Variants in PRR11 observed in about 807,000 individuals in gnomAD.
PRR11 encodes proline-rich protein 11.
In PRR11, 30 loss-of-function variants were observed where a neutral mutation model predicts 45.6. The observed-to-expected ratio is 0.66, with a 90% CI of 0.49 to 0.89. The LOEUF (loss-of-function observed/expected upper bound fraction) is 0.89, where lower values mean the gene tolerates loss of function less well. Among genes scored for constraint, PRR11 ranks in the 40% least tolerant of loss-of-function variants. The pLI is 0.00. For missense variants in PRR11, 373 were observed against 424.8 expected (o/e 0.88, Z 1.07); for synonymous variants, 128 against 153.5 (o/e 0.83, Z 1.23).
chr17:59,157,483 C>T (rs2046631672), intron 1 of PRR11, among the ~76,000 whole-genome samples: 1 of 152,174 alleles, frequency 6.6e-6, no homozygotes, highest in South Asian at 2.1e-4. Context: ...GGGCGGATCA[C>T]TTGAGGTAAG....
intron 7 of PRR11, among the ~76,000 whole-genome samples, chr17:59,197,110 G>C (rs1303211025): frequency 6.6e-6 from 1 of 152,064 alleles, no homozygotes; most frequent in Non-Finnish European, 1.5e-5. Flanking sequence ...GCCTCCTAAA[G>C]TGCTGGGATC....
intron 2 of PRR11, among the ~76,000 whole-genome samples, chr17:59,176,754 T>C (rs1400350844): frequency 1.5e-5 from 2 of 134,742 alleles, no homozygotes; most frequent in Admixed American, 8.5e-5. Context: ...TGGAATGCAG[T>C]GGCTCAAACT....
intron 3 of PRR11, 85 bp from the exon 4 acceptor site, chr17:59,185,355 A>G (rs1479987948): frequency 6.5e-7 from 1 of 1,536,058 alleles, no homozygotes; most frequent in African/African-American, 1.4e-5. Context: ...CTATAAAAAC[A>G]TACATCAAGT....
rs111532176 is a variant in PRR11, at chr17:59,194,481, A to G, written c.646-276A>G. Among the ~76,000 whole-genome samples the G allele has an allele frequency of 3.7e-3, 557 of 152,234 alleles. 8 individuals carry two copies. The highest frequency in any genetic ancestry group is 0.013 in the African/African-American group (520 of 41,548). On this transcript the variant is annotated intron_variant, in intron 5 of 9. Transcript: ENST00000262293. ...TATAATGACTCCCGGGGAAGATGCAATATTGCAGGAAACTAGTCCATCTCT... is the reference window on the plus strand; with the variant it reads ...TATAATGACTCCCGGGGAAGATGCAGTATTGCAGGAAACTAGTCCATCTCT...
rs561939177 is a variant in PRR11 at position 59,174,877 on chromosome 17, A to G, written c.128+4997A>G. On this transcript the variant is annotated intron_variant, in intron 2 of 9. Coordinates refer to ENST00000262293, the MANE Select transcript of PRR11 (RefSeq NM_018304.4). ...CCCCTTAAGAAGATGGGGACTCCCC[A>G]GGATACCCCTCCCTCCCCTTGTCCA... 4.2e-6 allele frequency: 5 copies of G among 1,200,766 alleles called. No homozygotes were observed. In the East Asian group the frequency reaches 1.5e-4, roughly 35 times the overall value. The allele number at this position is 1,200,766 out of a possible 1,614,324, so 74.4% of individuals were successfully genotyped here.
chr17:59,157,800 G>T (rs139420364), intron 1 of PRR11, among the ~76,000 whole-genome samples: 1 of 152,176 alleles, frequency 6.6e-6, no homozygotes, highest in East Asian at 1.9e-4. Context: ...TGGATTATAA[G>T]CACTCAACTA....
rs1317021234 is a variant in PRR11, at chr17:59,206,278, A to G, written c.*4647A>G. On this transcript the variant is annotated 3_prime_UTR_variant, in exon 10 of 10. Coordinates refer to ENST00000262293, the MANE Select transcript of PRR11 (RefSeq NM_018304.4). ...CTACTCAGGAGACTGAGGTGGAAGAATCACTTGAGCCCGGGAGGTTGAGGC... is the reference window on the plus strand; with the variant it reads ...CTACTCAGGAGACTGAGGTGGAAGAGTCACTTGAGCCCGGGAGGTTGAGGC... Among the ~76,000 whole-genome samples, 1 of 152,140 alleles carries G rather than the reference A, an allele frequency of 6.6e-6. No homozygotes were observed. The highest frequency in any genetic ancestry group is 1.5e-5 in the Non-Finnish European group (1 of 68,022).
At chr17:59,161,566 T>G (rs987451360) in intron 1 of PRR11, among the ~76,000 whole-genome samples, 1 of 151,688 alleles carries the variant, frequency 6.6e-6, no homozygotes, top group Non-Finnish European at 1.5e-5. Flanking sequence ...CTAGGCAACA[T>G]GGTGAAACCC....
chr17:59,157,010 A>G (rs1398353673), intron 1 of PRR11, among the ~76,000 whole-genome samples: 2 of 152,226 alleles, frequency 1.3e-5, no homozygotes, highest in East Asian at 1.9e-4. Flanking sequence ...TTCTTACTGT[A>G]TTATTTATTG....
intron 2 of PRR11, among the ~76,000 whole-genome samples, chr17:59,173,681 G>A (rs1200529181): frequency 6.6e-6 from 1 of 152,176 alleles, no homozygotes; most frequent in Non-Finnish European, 1.5e-5. Context: ...ACATGGCGAG[G>A]GTTGGCAGCT....
intron 2 of PRR11, among the ~76,000 whole-genome samples, chr17:59,183,684 G>A (rs550917138): frequency 2.6e-5 from 4 of 152,220 alleles, no homozygotes; most frequent in South Asian, 2.1e-4. Flanking sequence ...CCTCCAGTTC[G>A]GCTAAGAAAC....
chr17:59,170,741 A>G (rs1325441607), intron 2 of PRR11, among the ~76,000 whole-genome samples: 2 of 152,192 alleles, frequency 1.3e-5, no homozygotes, highest in East Asian at 1.9e-4. Flanking sequence ...TACATAAAAA[A>G]TAATGCAGGA....
chr17:59,175,009 A>G (rs1303264056), intron 2 of PRR11: 18 of 709,990 alleles, frequency 2.5e-5, no homozygotes, highest in South Asian at 8.9e-5. Flanking sequence ...ATGGAACGGA[A>G]GAACTGGAAC....
At chr17:59,166,810 C>G (rs1425649585) in intron 1 of PRR11, among the ~76,000 whole-genome samples, 1 of 152,108 alleles carries the variant, frequency 6.6e-6, no homozygotes, top group African/African-American at 2.4e-5. Flanking sequence ...GTTAGTGTAT[C>G]AAGTGGCATT....
chr17:59,189,035 T>C (rs2046828039), intron 4 of PRR11, among the ~76,000 whole-genome samples: 2 of 151,458 alleles, frequency 1.3e-5, no homozygotes, highest in East Asian at 3.9e-4. Flanking sequence ...TGTTCCCATG[T>C]ATTATTAAAA....
intron 1 of PRR11, among the ~76,000 whole-genome samples, chr17:59,163,106 T>A: frequency 6.6e-6 from 1 of 151,616 alleles, no homozygotes; most frequent in East Asian, 1.9e-4. Context: ...TACTTTTTTT[T>A]TTTAGATGGA....
chr17:59,181,431 T>C, intron 2 of PRR11: 2 of 951,464 alleles, frequency 2.1e-6, no homozygotes, highest in South Asian at 1.3e-5. Flanking sequence ...ATTTTTCCCA[T>C]TGGAAAAGTG....
At chr17:59,193,769 T>C (rs1454549055) in intron 5 of PRR11, 35 bp downstream of exon 5, 33 of 1,602,038 alleles carry the variant, frequency 2.1e-5, no homozygotes, top group Non-Finnish European at 2.6e-5. Context: ...TGTTTTGATA[T>C]GTTTTGGTGA....
chr17:59,196,817 T>C (rs1336563364), intron 7 of PRR11, among the ~76,000 whole-genome samples: 1 of 152,158 alleles, frequency 6.6e-6, no homozygotes, highest in Non-Finnish European at 1.5e-5. Flanking sequence ...GGAATGGCTA[T>C]ATCATCTTAT....
Sources: gnomAD v4.1 joint callset for allele counts (sites outside exome capture counted in the v4.1 genomes callset) on GRCh38, gnomAD v4.1.1 for gene constraint, MANE v1.5 for transcripts, NCBI Gene and HGNC (gene_info 2026-07-23, HGNC 2026-07-21) for gene names.